The following CHM variants were observed in gnomAD, a reference collection of about 807,000 sequenced individuals.
CHM encodes CHM Rab escort protein.
In CHM, 10 loss-of-function variants were observed where a neutral mutation model predicts 49.0. That is an observed-to-expected ratio of 0.20 (90% CI 0.13 to 0.35). The LOEUF (loss-of-function observed/expected upper bound fraction) is 0.35. CHM is among the 10% of genes least tolerant of loss of function. The pLI is 1.00. For synonymous variants in CHM, 184 were observed against 167.5 expected, an observed-to-expected ratio of 1.10 and a Z score of -0.76; for missense variants, 455 against 478.4, an observed-to-expected ratio of 0.95 and a Z score of 0.46.
rs769550234 is a variant in CHM at position 85,887,988 on chromosome X, GAT to G, written c.1510+6198_1510+6199del. Among the ~76,000 whole-genome samples the G allele has an allele frequency of 3.2e-4, 36 of 112,238 alleles. 1 individual carries two copies. In the East Asian group the frequency reaches 8.2e-3, roughly 26 times the overall value. ...TGGAAAATTTGCAGCCTGACAATGA[GAT>G]TGAAAAGAAAAACCTATTTCCTGAG... On this transcript the variant is annotated intron_variant, in intron 12 of 14. Transcript: ENST00000357749.
At chrX:85,937,442 T>A (rs1294592056) in intron 8 of CHM, among the ~76,000 whole-genome samples, 2 of 110,086 alleles carry the variant, frequency 1.8e-5, no homozygotes, top group African/African-American at 3.3e-5. Context: ...ATAGTATACA[T>A]ATATAACATA....
chrX:85,968,574 C>T (rs371448275), intron 4 of CHM, among the ~76,000 whole-genome samples: 13 of 112,152 alleles, frequency 1.2e-4, no homozygotes, highest in African/African-American at 3.9e-4. Context: ...GAAGTGAGTA[C>T]ATTATCCAGT....
Position 85,926,122 on chromosome X carries a change from T to TAA in CHM, c.1167-14786_1167-14785dup, listed in dbSNP as rs564012881. On this transcript the variant is annotated intron_variant, in intron 8 of 14. Coordinates refer to ENST00000357749, the MANE Select transcript of CHM (RefSeq NM_000390.4). ...ACTCTTAAATCATTTATAAAAATGT[T>TAA]AAAAAAAAAACACAAAAAACTAAAC... Among the ~76,000 whole-genome samples the TAA allele has an allele frequency of 4.2e-4, 45 of 106,217 alleles. No individual in the cohort carries two copies. The South Asian group carries it at 0.018, about 43-fold the overall frequency. The allele number at this position is 106,217 out of a possible 115,157, so 92.2% of individuals were successfully genotyped here. A position where few individuals can be genotyped will look rare whatever the true frequency, so the allele number is the denominator to read the frequency against.
At chrX:86,018,163 G>C (rs1056821820) in intron 2 of CHM, among the ~76,000 whole-genome samples, 9 of 112,234 alleles carry the variant, frequency 8.0e-5, no homozygotes, top group African/African-American at 2.9e-4. Flanking sequence ...TATTTGGTTA[G>C]AAGGCATAAA....
intron 2 of CHM, chrX:86,027,103 C>T (rs1266179794): frequency 8.3e-6 from 1 of 119,920 alleles, no homozygotes; most frequent in Admixed American, 8.9e-5. Context: ...CTGACTTTTA[C>T]AACCATCAAA....
intron 1 of CHM, among the ~76,000 whole-genome samples, chrX:86,044,601 C>G (rs980100904): frequency 5.4e-5 from 6 of 111,853 alleles, no homozygotes; most frequent in South Asian, 7.5e-4. Context: ...TAAGTCACCT[C>G]CAGTGAGATG....
intron 4 of CHM, among the ~76,000 whole-genome samples, chrX:85,977,410 G>A (rs1284426350): frequency 2.7e-5 from 3 of 112,097 alleles, no homozygotes; most frequent in African/African-American, 9.7e-5. Context: ...TTATACAAAC[G>A]AAACTGAAGA....
intron 2 of CHM, among the ~76,000 whole-genome samples, chrX:85,983,668 T>G (rs2147716116): frequency 8.9e-6 from 1 of 111,926 alleles, no homozygotes; most frequent in East Asian, 2.8e-4. Flanking sequence ...CAGCACTGGC[T>G]AATGGGTGAA....
At chrX:85,948,502 T>G (rs1008995340) in intron 8 of CHM, among the ~76,000 whole-genome samples, 2 of 112,149 alleles carry the variant, frequency 1.8e-5, no homozygotes, top group African/African-American at 6.5e-5. Flanking sequence ...AATCTACCTA[T>G]TTAAATTGAT....
chrX:85,976,972 GA>G (rs1291150211), intron 4 of CHM, among the ~76,000 whole-genome samples: 51 of 111,471 alleles, frequency 4.6e-4, no homozygotes, highest in African/African-American at 1.6e-3. Context: ...TTAAGTCAGT[GA>G]GTGCTGATGA....
At chrX:85,968,843 C>A (rs921870391) in intron 4 of CHM, among the ~76,000 whole-genome samples, 1 of 111,666 alleles carries the variant, frequency 9.0e-6, no homozygotes, top group Non-Finnish European at 1.9e-5. Context: ...ACCTACCCAC[C>A]CACCCACTTA....
intron 9 of CHM, among the ~76,000 whole-genome samples, chrX:85,909,874 C>T (rs1603247330): frequency 8.9e-6 from 1 of 111,841 alleles, no homozygotes. Flanking sequence ...GTCATGGGAA[C>T]ATACTCTTGT....
At chrX:86,039,047 T>G (rs1934353584) in intron 1 of CHM, among the ~76,000 whole-genome samples, 1 of 112,521 alleles carries the variant, frequency 8.9e-6, no homozygotes, top group Non-Finnish European at 1.9e-5. Flanking sequence ...GCTTCACATT[T>G]GAAAAATGGA....
At chrX:86,016,088 G>A (rs752904868) in intron 2 of CHM, among the ~76,000 whole-genome samples, 2 of 110,768 alleles carry the variant, frequency 1.8e-5, no homozygotes, top group East Asian at 2.9e-4. Context: ...AGCCGAGATC[G>A]CACCACTGCA....
At chrX:86,001,779 A>C (rs1932733811) in intron 2 of CHM, among the ~76,000 whole-genome samples, 1 of 110,874 alleles carries the variant, frequency 9.0e-6, no homozygotes, top group Non-Finnish European at 1.9e-5. Context: ...GGAGGGGACA[A>C]ATATCCGAGC....
At chrX:86,003,069 T>G (rs1932779522) in intron 2 of CHM, among the ~76,000 whole-genome samples, 1 of 111,909 alleles carries the variant, frequency 8.9e-6, no homozygotes, top group African/African-American at 3.3e-5. Context: ...TTTGTTGTTC[T>G]ACAATAATTG....
At chrX:86,033,713 TG>T (rs1288843358) in intron 1 of CHM, among the ~76,000 whole-genome samples, 2 of 111,770 alleles carry the variant, frequency 1.8e-5, no homozygotes, top group African/African-American at 3.2e-5. Flanking sequence ...TACTTTTTAG[TG>T]GCTACCATAA....
intron 2 of CHM, among the ~76,000 whole-genome samples, chrX:85,985,282 C>A (rs5923417): frequency 0.27 from 30,166 of 111,606 alleles, 3,472 homozygotes; most frequent in Admixed American, 0.39. Flanking sequence ...AGCACAGCGG[C>A]TCTACAAAAA....
chrX:85,991,108 T>C (rs1368065865), intron 2 of CHM, among the ~76,000 whole-genome samples: 2 of 112,095 alleles, frequency 1.8e-5, no homozygotes, highest in Admixed American at 1.9e-4. Context: ...ACTGTCCTAG[T>C]ATTCATTCAC....
Sources: gnomAD v4.1 joint callset for allele counts (sites outside exome capture counted in the v4.1 genomes callset) on GRCh38, gnomAD v4.1.1 for gene constraint, MANE v1.5 for transcripts, NCBI Gene and HGNC (gene_info 2026-07-23, HGNC 2026-07-21) for gene names.